Variants in AGAP1 observed in about 807,000 individuals in gnomAD.
The protein encoded by AGAP1 is ArfGAP with GTPase domain, ankyrin repeat and PH domain 1, also known as arf-GAP with GTPase, ANK repeat and PH domain-containing protein 1.
In AGAP1, 29 loss-of-function variants were observed where a neutral mutation model predicts 105.3. That is an observed-to-expected ratio of 0.28 (90% CI 0.21 to 0.38). The LOEUF is 0.38. AGAP1 is among the 10% of genes least tolerant of loss of function. AGAP1 has a pLI of 1.00. For synonymous variants in AGAP1, 509 were observed against 485.9 expected (o/e 1.05, Z -0.63); for missense variants, 998 against 1,165.1 (o/e 0.86, Z 2.09).
intron 12 of AGAP1, among the ~76,000 whole-genome samples, chr2:235,954,402 G>A (rs528811996): frequency 5.2e-4 from 79 of 152,032 alleles, no homozygotes; most frequent in African/African-American, 1.7e-3. Context: ...CCCTCCAAGC[G>A]CTGCTCATAG....
At position 235,958,212 on chromosome 2, in the gene AGAP1, G is replaced by T. The variant is rs186805001; in HGVS notation, c.1484-10250G>T. ...TGCCTGCTCCTAGCAAATTCGTGGC[G>T]TGCCCCTCATCAAACTACGTCCCCT... On this transcript the variant is annotated intron_variant, in intron 12 of 17. Transcript: ENST00000304032. This position sits in a 1 kb window ranked among gnomAD's most constrained non-coding sequence, Gnocchi z 4.1. Among the ~76,000 whole-genome samples, 1 of 152,080 alleles carries T rather than the reference G, an allele frequency of 6.6e-6. No individual in the cohort carries two copies. The highest frequency in any genetic ancestry group is 1.5e-5 in the Non-Finnish European group (1 of 68,018).
Position 235,994,024 on chromosome 2 carries a change from G to A in AGAP1, c.1645+25401G>A, listed in dbSNP as rs73996698. On this transcript the variant is annotated intron_variant, in intron 13 of 17. Coordinates refer to ENST00000304032, the MANE Select transcript of AGAP1 (RefSeq NM_001037131.3). This position sits in a 1 kb window ranked among gnomAD's most constrained non-coding sequence, Gnocchi z 4.4. The stretch of plus-strand genomic sequence containing the variant: ...GAAAGTTACGATGACCCATAAGCCT[G>A]CTCCACAGGATGGCTGTAGCACAGA... 6.6e-6 allele frequency among the ~76,000 whole-genome samples: 1 copy of A among 152,034 alleles called. No homozygotes were observed. Among genetic ancestry groups the A allele is most frequent in the Non-Finnish European group, 1.5e-5 (1 of 67,996 alleles).
At chr2:235,942,802 C>T (rs2053323152) in intron 12 of AGAP1, among the ~76,000 whole-genome samples, 1 of 151,722 alleles carries the variant, frequency 6.6e-6, no homozygotes. Flanking sequence ...TTCAGGGGGA[C>T]TTTTTTAAAG....
At chr2:235,563,945 G>C (rs1944253683) in intron 1 of AGAP1, among the ~76,000 whole-genome samples, 1 of 152,102 alleles carries the variant, frequency 6.6e-6, no homozygotes, top group Admixed American at 6.6e-5. Flanking sequence ...GAAGCTGGGT[G>C]GGGGGTGTGG....
intron 1 of AGAP1, chr2:235,670,519 C>T: frequency 2.0e-6 from 1 of 492,032 alleles, no homozygotes; most frequent in Non-Finnish European, 3.5e-6. Context: ...GCAGCCCCGA[C>T]GTGGAGGGGG....
intron 6 of AGAP1, chr2:235,774,085 T>G (rs1955671151): frequency 2.3e-6 from 1 of 426,940 alleles, no homozygotes; most frequent in Non-Finnish European, 4.7e-6. Flanking sequence ...TCAGATTGTT[T>G]TACTGCCTTG....
intron 1 of AGAP1, chr2:235,670,115 G>T (rs1948298635): frequency 3.7e-6 from 2 of 546,816 alleles, no homozygotes; most frequent in Admixed American, 2.9e-5. Flanking sequence ...CTTGTTGGAC[G>T]GCAGTGGCGA....
At chr2:235,884,650 C>T (rs2050186853) in intron 10 of AGAP1, among the ~76,000 whole-genome samples, 3 of 152,008 alleles carry the variant, frequency 2.0e-5, no homozygotes, top group Non-Finnish European at 4.4e-5. Context: ...GACGTGGTTT[C>T]ACCATGTTGG....
Position 235,905,832 on chromosome 2 carries a change from C to T in AGAP1, c.1156-2906C>T, listed in dbSNP as rs989690239. 2.0e-5 allele frequency among the ~76,000 whole-genome samples: 3 copies of T among 152,222 alleles called. No individual in the cohort carries two copies. Among genetic ancestry groups the T allele is most frequent in the Non-Finnish European group, 4.4e-5 (3 of 68,034 alleles). On this transcript the variant is annotated intron_variant, in intron 10 of 17. Transcript: ENST00000304032. This position sits in a 1 kb window ranked among gnomAD's most constrained non-coding sequence, Gnocchi z 4.2. Reference sequence around the variant, plus strand: ...TTTTCATTTGTCACCCTCAACACAGCGCAGTCCTGAGAATTCCTGTGCCGC... The same window carrying T: ...TTTTCATTTGTCACCCTCAACACAGTGCAGTCCTGAGAATTCCTGTGCCGC...
At chr2:235,581,516 A>G (rs1379362574) in intron 1 of AGAP1, among the ~76,000 whole-genome samples, 1 of 151,782 alleles carries the variant, frequency 6.6e-6, no homozygotes, top group Non-Finnish European at 1.5e-5. Context: ...GCCATTTAAA[A>G]AGAAAATAGG....
chr2:235,938,741 A>G (rs895102365), intron 12 of AGAP1, among the ~76,000 whole-genome samples: 3 of 152,128 alleles, frequency 2.0e-5, no homozygotes, highest in African/African-American at 4.8e-5. Flanking sequence ...TGAGAAAGAC[A>G]TCGGCACACT....
At chr2:235,568,110 C>G (rs1288078222) in intron 1 of AGAP1, among the ~76,000 whole-genome samples, 1 of 152,128 alleles carries the variant, frequency 6.6e-6, no homozygotes, top group Non-Finnish European at 1.5e-5. Flanking sequence ...CGTGATGTCT[C>G]TAGTGCCCTC....
intron 11 of AGAP1, among the ~76,000 whole-genome samples, chr2:235,924,550 C>T (rs1266376347): frequency 1.3e-5 from 2 of 152,186 alleles, no homozygotes; most frequent in African/African-American, 2.4e-5. Flanking sequence ...TTCCCCTACT[C>T]GCGAGTTAGC....
At chr2:235,706,984 C>T (rs1316197500) in intron 1 of AGAP1, among the ~76,000 whole-genome samples, 2 of 152,242 alleles carry the variant, frequency 1.3e-5, no homozygotes, top group Non-Finnish European at 2.9e-5. Context: ...TGAGCGCTTG[C>T]TGGGTGTCAG....
At position 235,664,088 on chromosome 2, in the gene AGAP1, G is replaced by C. The variant is rs1948050445; in HGVS notation, c.164-45091G>C. ...TTTGGTGACTCCGTAGCTGTGGCCAGTGCCTGGCAGCTAGCGAGTGGCCAG... is the reference window on the plus strand; with the variant it reads ...TTTGGTGACTCCGTAGCTGTGGCCACTGCCTGGCAGCTAGCGAGTGGCCAG... On this transcript the variant is annotated intron_variant, in intron 1 of 17. Transcript: ENST00000304032. This position sits in a 1 kb window ranked among gnomAD's most constrained non-coding sequence, Gnocchi z 5.7. Among the ~76,000 whole-genome samples, 1 of 152,250 alleles carries C rather than the reference G, an allele frequency of 6.6e-6. No individual in the cohort carries two copies. The highest frequency in any genetic ancestry group is 2.4e-5 in the African/African-American group (1 of 41,466).
intron 10 of AGAP1, among the ~76,000 whole-genome samples, chr2:235,895,210 T>C (rs1575720877): frequency 6.6e-6 from 1 of 152,190 alleles, no homozygotes; most frequent in East Asian, 1.9e-4. Flanking sequence ...TGCTTTTAAC[T>C]TTCACCTTGT....
intron 13 of AGAP1, among the ~76,000 whole-genome samples, chr2:236,025,629 T>C (rs990599673): frequency 7.9e-5 from 12 of 152,188 alleles, no homozygotes; most frequent in Non-Finnish European, 1.8e-4. Context: ...TGAGATTTGC[T>C]AGGTGTTGAC....
rs1007592752 is a variant in AGAP1 at position 235,754,316 on chromosome 2, CT to C, written c.673+3834del. ...ACATTTCTTGATAACTCTCTGGCTT[CT>C]TTTTTGCCCTAGGGCTTACTTTGTT... is the stretch of plus-strand genomic sequence containing the variant. On this transcript the variant is annotated intron_variant, in intron 6 of 17. Transcript: ENST00000304032. The surrounding 1 kb of genome is among the most constrained non-coding windows in gnomAD (Gnocchi z 4.6). Among the ~76,000 whole-genome samples, 2 of 151,986 alleles carry C rather than the reference CT, an allele frequency of 1.3e-5. No individual in the cohort carries two copies. Among genetic ancestry groups the C allele is most frequent in the African/African-American group, 4.8e-5 (2 of 41,382 alleles).
chr2:235,578,818 G>A lies in AGAP1; in HGVS notation c.163+83969G>A, dbSNP rs1421677932. ...AAAAAAAATTTTTTTTTTACAATAAGCTATTTAAATAAACATTTGTGTATA... is the reference window on the plus strand; with the variant it reads ...AAAAAAAATTTTTTTTTTACAATAAACTATTTAAATAAACATTTGTGTATA... On this transcript the variant is annotated intron_variant, in intron 1 of 17. Coordinates refer to ENST00000304032, the MANE Select transcript of AGAP1 (RefSeq NM_001037131.3). The surrounding 1 kb of genome is among the most constrained non-coding windows in gnomAD (Gnocchi z 4.9). 1.3e-5 allele frequency among the ~76,000 whole-genome samples: 2 copies of A among 148,590 alleles called. No individual in the cohort carries two copies. The highest frequency in any genetic ancestry group is 3.9e-4 in the East Asian group (2 of 5,086).
Sources: allele counts gnomAD v4.1 joint callset (sites outside exome capture counted in the v4.1 genomes callset), GRCh38; gene constraint gnomAD v4.1.1; non-coding constraint Gnocchi (gnomAD v3.1); transcripts MANE v1.5; gene names NCBI Gene and HGNC (gene_info 2026-07-23, HGNC 2026-07-21).